The following TMEM38A variants were observed in gnomAD, a reference collection of about 807,000 sequenced individuals.
The protein encoded by TMEM38A is transmembrane protein 38A, also known as trimeric intracellular cation channel type A.
In TMEM38A, 17 loss-of-function variants were observed where a neutral mutation model predicts 28.6. The ratio of observed to expected loss-of-function variants is 0.60; its 90% CI spans 0.41 to 0.89. The LOEUF (loss-of-function observed/expected upper bound fraction) is 0.89, where lower values mean the gene tolerates loss of function less well. TMEM38A is among the 40% of genes least tolerant of loss of function. TMEM38A has a pLI of 0.00. For synonymous variants in TMEM38A, 169 were observed against 166.1 expected, an observed-to-expected ratio of 1.02 and a Z score of -0.14; for missense variants, 328 against 393.1, an observed-to-expected ratio of 0.83 and a Z score of 1.40.
At chr19:16,665,124 G>T (rs999427578) in intron 1 of TMEM38A, among the ~76,000 whole-genome samples, 1 of 152,048 alleles carries the variant, frequency 6.6e-6, no homozygotes, top group South Asian at 2.1e-4. Flanking sequence ...GAGAAACCCT[G>T]TCTCTACTAA....
chr19:16,672,584 G>T (rs191537709), intron 1 of TMEM38A, among the ~76,000 whole-genome samples: 68 of 151,286 alleles, frequency 4.5e-4, no homozygotes, highest in South Asian at 8.4e-4. Context: ...AAGTAGCTGA[G>T]ATTACAGGCG....
chr19:16,667,223 T>A (rs946991069), intron 1 of TMEM38A, among the ~76,000 whole-genome samples: 1 of 148,992 alleles, frequency 6.7e-6, no homozygotes, highest in African/African-American at 2.5e-5. Flanking sequence ...GAGCCGAGAT[T>A]GCGCCATTGC....
In TMEM38A at chr19:16,665,020, C is replaced by T. The variant is rs145032127; in HGVS notation, c.124+3679C>T. On this transcript the variant is annotated intron_variant, in intron 1 of 5. Transcript: ENST00000187762. ...TATAAAAAATACAAAAATGGCTAGG[C>T]GCGGTGTCTCATGCCTGTAATCCGA... 3.2e-3 allele frequency among the ~76,000 whole-genome samples: 492 copies of T among 151,394 alleles called. 6 individuals are homozygous for T. The highest frequency in any genetic ancestry group is 0.011 in the African/African-American group (463 of 41,264).
intron 1 of TMEM38A, among the ~76,000 whole-genome samples, chr19:16,670,072 C>T (rs943001191): frequency 6.6e-6 from 1 of 151,652 alleles, no homozygotes; most frequent in African/African-American, 2.4e-5. Flanking sequence ...TGGGTTCAAG[C>T]GATTCTCCTG....
At chr19:16,675,345 C>T (rs1007411747) in intron 1 of TMEM38A, among the ~76,000 whole-genome samples, 2 of 150,832 alleles carry the variant, frequency 1.3e-5, no homozygotes, top group African/African-American at 2.4e-5. Context: ...GTGGTCCTCC[C>T]ACCTCAGAAG....
intron 1 of TMEM38A, among the ~76,000 whole-genome samples, chr19:16,670,754 C>G (rs2086723784): frequency 6.6e-6 from 1 of 152,056 alleles, no homozygotes; most frequent in African/African-American, 2.4e-5. Flanking sequence ...GCCTGGCCAA[C>G]ATGGAGAAAT....
At chr19:16,668,110 G>A (rs550322261) in intron 1 of TMEM38A, among the ~76,000 whole-genome samples, 1 of 152,040 alleles carries the variant, frequency 6.6e-6, no homozygotes, top group Non-Finnish European at 1.5e-5. Context: ...TTGGTAGGTC[G>A]AGGTGGGAGA....
intron 1 of TMEM38A, among the ~76,000 whole-genome samples, chr19:16,665,960 C>T (rs969490836): frequency 6.6e-6 from 1 of 151,764 alleles, no homozygotes; most frequent in South Asian, 2.1e-4. Flanking sequence ...AAGCATCCAC[C>T]ACCACACCCA....
chr19:16,666,302 A>G (rs554306224), intron 1 of TMEM38A, among the ~76,000 whole-genome samples: 407 of 151,890 alleles, frequency 2.7e-3, no homozygotes, highest in Non-Finnish European at 4.9e-3. Context: ...TTTTTAGTAG[A>G]GATGAGTTTT....
intron 1 of TMEM38A, among the ~76,000 whole-genome samples, chr19:16,663,669 C>G (rs796876565): frequency 1.3e-5 from 2 of 151,774 alleles, no homozygotes; most frequent in African/African-American, 4.8e-5. Context: ...GCTGGGACTA[C>G]AGGCGCCCAC....
chr19:16,688,469 T>C lies in TMEM38A; in HGVS notation c.*98T>C. On this transcript the variant is annotated 3_prime_UTR_variant, in exon 6 of 6. Transcript: ENST00000187762. Reference sequence around the variant, plus strand: ...AGATCTATCCTTTCCTGGCCTTGACTTCCCCATCTGCAAATCAGGGTCATT... The same window carrying C: ...AGATCTATCCTTTCCTGGCCTTGACCTCCCCATCTGCAAATCAGGGTCATT... The C allele has an allele frequency of 1.0e-6, 1 of 1,001,790 alleles. No individual in the cohort carries two copies. The highest frequency in any genetic ancestry group is 1.3e-6 in the Non-Finnish European group (1 of 742,010). 62.1% of individuals were successfully genotyped at this position (1,001,790 alleles called of 1,614,324 possible).
intron 1 of TMEM38A, among the ~76,000 whole-genome samples, chr19:16,676,841 A>T (rs1425285670): frequency 6.8e-6 from 1 of 146,862 alleles, no homozygotes; most frequent in Admixed American, 6.9e-5. Context: ...GCTCACTGCA[A>T]CCTCTGCCTC....
At chr19:16,664,366 G>A (rs934103046) in intron 1 of TMEM38A, among the ~76,000 whole-genome samples, 3 of 152,224 alleles carry the variant, frequency 2.0e-5, no homozygotes, top group East Asian at 1.9e-4. Flanking sequence ...GCAGTGAGCC[G>A]AAATCTCGCT....
In TMEM38A at chr19:16,680,505, C is replaced by T. The variant is rs1419714492; in HGVS notation, c.390C>T (p.Ile130=). The change falls in exon 3 of 6, where the codon ATC becomes ATT. Residue 130 remains isoleucine (I), a synonymous_variant. Coordinates refer to ENST00000187762, the MANE Select transcript of TMEM38A (RefSeq NM_024074.4). ...AGGAGGTGGTGCGAGTCCGCAAGAT[C>T]GCGGTGGGCATCCATCACGCCCATC... ...AMKEVVRVRK[I]AVGIHHAHHH... is the part of the protein sequence containing the mutation. The T allele has an allele frequency of 5.0e-6, 8 of 1,614,058 alleles. No homozygotes were observed. Among genetic ancestry groups the T allele is most frequent in the East Asian group, 2.2e-5 (1 of 44,890 alleles).
At chr19:16,671,321 G>A (rs915015063) in intron 1 of TMEM38A, among the ~76,000 whole-genome samples, 15 of 149,106 alleles carry the variant, frequency 1.0e-4, no homozygotes, top group African/African-American at 3.7e-4. Context: ...TTCTGCCTCA[G>A]CCTCCTGAGT....
chr19:16,672,005 G>C (rs2086729663), intron 1 of TMEM38A, among the ~76,000 whole-genome samples: 1 of 152,212 alleles, frequency 6.6e-6, no homozygotes, highest in Non-Finnish European at 1.5e-5. Context: ...CTCTCAGCCA[G>C]TTGTGTTTTA....
chr19:16,661,936 A>G lies in TMEM38A; in HGVS notation c.124+595A>G, dbSNP rs1283157678. 1.3e-5 allele frequency among the ~76,000 whole-genome samples: 2 copies of G among 151,560 alleles called. No homozygotes were observed. Among genetic ancestry groups the G allele is most frequent in the Non-Finnish European group, 2.9e-5 (2 of 67,928 alleles). On this transcript the variant is annotated intron_variant, in intron 1 of 5. Transcript: ENST00000187762. This position sits in a 1 kb window ranked among gnomAD's most constrained non-coding sequence, Gnocchi z 6.5. ...CCAGCCCTGGCTCCAGATCCTTTCC[A>G]CTTACGGAGCAGAACCGGCCCCAAG...
At chr19:16,678,766 CAAA>C (rs61142232) in intron 1 of TMEM38A, among the ~76,000 whole-genome samples, 24 of 48,676 alleles carry the variant, frequency 4.9e-4, no homozygotes, top group East Asian at 3.0e-3. Flanking sequence ...ACCCTGTGTC[CAAA>C]AAAAAAAAAA....
Position 16,680,049 on chromosome 19 carries a change from G to A in TMEM38A, c.190G>A (p.Gly64Arg), listed in dbSNP as rs376778575. ...SWLCAMLHCF[G>R]SYILADLLLG... ...GCTGTGCGCCATGCTGCATTGCTTC[G>A]GGAGCTACATCCTGGCTGATCTGCT... The change falls in exon 2 of 6, where the codon GGG (glycine) becomes AGG (arginine). Residue 64 changes from glycine to arginine, a missense_variant. Physicochemically the swap from Gly to Arg is moderately radical, Grantham distance 125. Coordinates refer to ENST00000187762, the MANE Select transcript of TMEM38A (RefSeq NM_024074.4). The A allele has an allele frequency of 3.7e-6, 6 of 1,611,200 alleles. No individual in the cohort carries two copies. The highest frequency in any genetic ancestry group is 2.7e-5 in the African/African-American group (2 of 74,930).
Sources: gnomAD v4.1 joint callset for allele counts (sites outside exome capture counted in the v4.1 genomes callset) on GRCh38, gnomAD v4.1.1 for gene constraint, Gnocchi (gnomAD v3.1) non-coding constraint, MANE v1.5 for transcripts, NCBI Gene and HGNC (gene_info 2026-07-23, HGNC 2026-07-21) for gene names.